The following SOX6 variants were observed in gnomAD, a reference collection of about 807,000 sequenced individuals.
The protein encoded by SOX6 is SRY-box transcription factor 6.
Under a neutral mutation model 97.8 loss-of-function variants are expected in SOX6, and 11 were observed. That is an observed-to-expected ratio of 0.11 (90% CI 0.07 to 0.19). SOX6 has a LOEUF of 0.19. SOX6 is among the 10% of genes least tolerant of loss of function. The probability of loss-of-function intolerance (pLI) is 1.00; values close to 1 mark genes in which losing one functional copy is unlikely to be tolerated. For synonymous variants in SOX6, 360 were observed against 371.4 expected, an observed-to-expected ratio of 0.97 and a Z score of 0.35; for missense variants, 810 against 1,039.5, an observed-to-expected ratio of 0.78 and a Z score of 3.04.
At position 16,401,051 on chromosome 11, in the gene SOX6, C is replaced by CA. The variant is rs1858543985; in HGVS notation, c.-4-59800dup. On this transcript the variant is annotated intron_variant, in intron 1 of 15. Transcript: ENST00000396356. ...ACAATATTCTGCCAAATGTGTATTG[C>CA]ATTTTTCAATTATATACCAATTTTT... 2.6e-5 allele frequency among the ~76,000 whole-genome samples: 4 copies of CA among 151,448 alleles called. No individual in the cohort carries two copies. In the Admixed American group the frequency reaches 2.6e-4, roughly 10 times the overall value.
chr11:16,023,049 C>G (rs1855113666), intron 12 of SOX6: 1 of 151,992 alleles, frequency 6.6e-6, no homozygotes, highest in Non-Finnish European at 1.5e-5. Context: ...GATGTCTTCC[C>G]TTCCAGATGA....
At chr11:16,425,222 C>CT (rs1421176707) in intron 1 of SOX6, among the ~76,000 whole-genome samples, 1 of 152,210 alleles carries the variant, frequency 6.6e-6, no homozygotes, top group Non-Finnish European at 1.5e-5. Context: ...AAGAAACAGT[C>CT]TGACAGCTCT....
In SOX6 at chr11:16,605,296, T is replaced by C. The variant is rs2133979686; in HGVS notation, n.609+6785A>G. Among the ~76,000 whole-genome samples the C allele has an allele frequency of 6.6e-6, 1 of 152,062 alleles. No individual in the cohort carries two copies. Among genetic ancestry groups the C allele is most frequent in the South Asian group, 2.1e-4 (1 of 4,812 alleles). Reference sequence around the variant, plus strand: ...TCGGCCGGGTGACTCCCTGGCGAAGTCCGCGCCCGGCGGGGCTGAACTACC... The same window carrying C: ...TCGGCCGGGTGACTCCCTGGCGAAGCCCGCGCCCGGCGGGGCTGAACTACC... On this transcript the variant is annotated intron_variant and non_coding_transcript_variant, in intron 4 of 5. Transcript: ENST00000524520. This position sits in a 1 kb window ranked among gnomAD's most constrained non-coding sequence, Gnocchi z 5.3.
intron 4 of SOX6, among the ~76,000 whole-genome samples, chr11:16,508,775 A>G (rs1860832329): frequency 6.6e-6 from 1 of 152,124 alleles, no homozygotes; most frequent in South Asian, 2.1e-4. Context: ...TCAATAGCAG[A>G]GTAGGATGAC....
At chr11:16,485,273 T>A (rs1045419536) in intron 4 of SOX6, among the ~76,000 whole-genome samples, 1 of 152,132 alleles carries the variant, frequency 6.6e-6, no homozygotes, top group Non-Finnish European at 1.5e-5. Flanking sequence ...ATAAAAATAG[T>A]GTCTACACAA....
At chr11:16,145,762 GA>G (rs1850276145) in intron 6 of SOX6, among the ~76,000 whole-genome samples, 1 of 152,128 alleles carries the variant, frequency 6.6e-6, no homozygotes, top group Non-Finnish European at 1.5e-5. Flanking sequence ...TTGCTTCAAA[GA>G]GAATAAAATA....
At chr11:16,480,758 A>T (rs1860328857), upstream of SOX6, among the ~76,000 whole-genome samples, 1 of 151,924 alleles carries the variant, frequency 6.6e-6, no homozygotes, top group South Asian at 2.1e-4. Flanking sequence ...CTAAGGTATT[A>T]TTTAAAGAAC....
At chr11:16,430,721 AC>A (rs1227382991) in intron 1 of SOX6, among the ~76,000 whole-genome samples, 3 of 152,114 alleles carry the variant, frequency 2.0e-5, no homozygotes, top group Admixed American at 2.0e-4. Context: ...TTTATAAGCC[AC>A]CCAGTTTATG....
chr11:16,442,815 G>A (rs1011733464), intron 1 of SOX6, among the ~76,000 whole-genome samples: 2 of 152,026 alleles, frequency 1.3e-5, no homozygotes, highest in Non-Finnish European at 2.9e-5. Flanking sequence ...TGTAAGAAAG[G>A]CACTAAAAAG....
intron 6 of SOX6, among the ~76,000 whole-genome samples, chr11:16,136,403 T>C (rs1374163636): frequency 6.7e-6 from 1 of 148,510 alleles, no homozygotes; most frequent in Non-Finnish European, 1.5e-5. Context: ...CACAGTATAG[T>C]GTAACTTTTT....
chr11:16,643,718 G>A (rs548445957), intron 3 of SOX6, among the ~76,000 whole-genome samples: 14 of 152,320 alleles, frequency 9.2e-5, no homozygotes, highest in South Asian at 2.1e-4. Context: ...CGAGCCAGGC[G>A]CAGAATATAA....
intron 6 of SOX6, among the ~76,000 whole-genome samples, chr11:16,132,692 AC>A (rs1224258370): frequency 4.2e-5 from 6 of 143,128 alleles, no homozygotes; most frequent in Non-Finnish European, 6.0e-5. Flanking sequence ...CTATCGGGTT[AC>A]CTTTTTTTTT....
intron 3 of SOX6, among the ~76,000 whole-genome samples, chr11:16,290,563 G>A (rs755555730): frequency 3.3e-5 from 5 of 151,896 alleles, no homozygotes; most frequent in Non-Finnish European, 7.4e-5. Context: ...GAAAAAACAG[G>A]ACACAAAACG....
intron 1 of SOX6, among the ~76,000 whole-genome samples, chr11:16,411,182 C>T (rs1358256806): frequency 2.0e-5 from 3 of 152,120 alleles, no homozygotes. Flanking sequence ...AAATCTACTA[C>T]CTCTGAGAAA....
intron 3 of SOX6, among the ~76,000 whole-genome samples, chr11:16,692,504 T>C (rs1450690535): frequency 6.6e-6 from 1 of 152,194 alleles, no homozygotes; most frequent in Non-Finnish European, 1.5e-5. Context: ...TCTCTCCCTG[T>C]AGAGGTATTC....
chr11:16,316,067 A>G (rs1222969117), intron 3 of SOX6: 1 of 151,190 alleles, frequency 6.6e-6, no homozygotes, highest in Admixed American at 6.6e-5. Flanking sequence ...AATATTCACT[A>G]TGCTGACCCC....
At chr11:15,997,975 G>T (rs550730147) in intron 13 of SOX6, among the ~76,000 whole-genome samples, 1 of 151,976 alleles carries the variant, frequency 6.6e-6, no homozygotes, top group Non-Finnish European at 1.5e-5. Context: ...AGCTACTCAG[G>T]AGGCTGAGGC....
At chr11:16,573,454 C>A (rs1847956101) in intron 4 of SOX6, among the ~76,000 whole-genome samples, 1 of 152,182 alleles carries the variant, frequency 6.6e-6, no homozygotes, top group Non-Finnish European at 1.5e-5. Context: ...CTACTAAGAG[C>A]CAATTCATGC....
At position 16,132,488 on chromosome 11, in the gene SOX6, G is replaced by GAAAT. The variant is rs1380731937; in HGVS notation, c.778-20566_778-20565insATTT. Among the ~76,000 whole-genome samples the GAAAT allele has an allele frequency of 2.0e-5, 3 of 148,308 alleles. 1 individual carries two copies. Among genetic ancestry groups the GAAAT allele is most frequent in the South Asian group, 4.3e-4 (2 of 4,638 alleles). On this transcript the variant is annotated intron_variant, in intron 6 of 15. Coordinates refer to ENST00000683767, the MANE Select transcript of SOX6 (RefSeq NM_001367873.1). ...AGAAAGAAAGAAAGAAAGAAAGAAA[G>GAAAT]AAAGAAAGAAAGAAAGAAAGCTTAT...
Sources: allele counts gnomAD v4.1 joint callset (sites outside exome capture counted in the v4.1 genomes callset), GRCh38; gene constraint gnomAD v4.1.1; non-coding constraint Gnocchi (gnomAD v3.1); transcripts MANE v1.5; gene names NCBI Gene and HGNC (gene_info 2026-07-23, HGNC 2026-07-21).